Variants in FSHR observed in about 807,000 individuals in gnomAD.
FSHR encodes the protein follicle stimulating hormone receptor, also known as follicle-stimulating hormone receptor.
FSHR carries 46 observed loss-of-function variants against 52.1 expected under a neutral mutation model. The observed-to-expected ratio is 0.88, with a 90% CI of 0.70 to 1.13. The LOEUF (loss-of-function observed/expected upper bound fraction) is 1.13, where lower values mean the gene tolerates loss of function less well. Ranked by LOEUF, FSHR falls within the 50% of genes most tolerant of loss-of-function variation. The probability of loss-of-function intolerance (pLI) is 0.00; values close to 1 mark genes in which losing one functional copy is unlikely to be tolerated. For missense variants in FSHR, 964 were observed against 834.6 expected (o/e 1.16, Z -1.91); for synonymous variants, 399 against 309.6 (o/e 1.29, Z -3.03).
intron 2 of FSHR, among the ~76,000 whole-genome samples, chr2:49,026,984 C>T (rs532437599): frequency 1.3e-5 from 2 of 152,272 alleles, no homozygotes; most frequent in Non-Finnish European, 2.9e-5. Context: ...TTTGTGAACC[C>T]ATCACAGACA....
At position 49,074,877 on chromosome 2, in the gene FSHR, C is replaced by T. The variant is rs1042971544; in HGVS notation, c.153-6587G>A. Among the ~76,000 whole-genome samples, 20 of 152,078 alleles carry T rather than the reference C, an allele frequency of 1.3e-4. No homozygotes were observed. The East Asian group carries it at 3.9e-3, about 29-fold the overall frequency. The stretch of plus-strand genomic sequence containing the variant: ...CCTTAGCCAAAGAATAAAATCCTGT[C>T]ATTTGCAGCAACATGGGTGGAATTG... On this transcript the variant is annotated intron_variant, in intron 1 of 9. Coordinates refer to ENST00000406846, the MANE Select transcript of FSHR (RefSeq NM_000145.4).
At chr2:48,964,693 T>G (rs990447122) in intron 9 of FSHR, among the ~76,000 whole-genome samples, 3 of 152,150 alleles carry the variant, frequency 2.0e-5, no homozygotes, top group Non-Finnish European at 2.9e-5. Flanking sequence ...ACCTAATTTA[T>G]TCTAAGAATG....
At chr2:48,970,793 C>T (rs1390346956) in intron 8 of FSHR, among the ~76,000 whole-genome samples, 2 of 151,988 alleles carry the variant, frequency 1.3e-5, no homozygotes, top group African/African-American at 4.8e-5. Flanking sequence ...TTGTTTTTTC[C>T]ATCTCAGCAA....
intron 1 of FSHR, among the ~76,000 whole-genome samples, chr2:49,109,142 T>C (rs1264625653): frequency 6.6e-6 from 1 of 152,152 alleles, no homozygotes; most frequent in Non-Finnish European, 1.5e-5. Context: ...TATTTGGCTG[T>C]GCATAAAAGG....
intron 1 of FSHR, among the ~76,000 whole-genome samples, chr2:49,070,232 T>C (rs997551678): frequency 6.6e-6 from 1 of 152,160 alleles, no homozygotes; most frequent in Admixed American, 6.6e-5. Context: ...AACAGAAATA[T>C]TGTCAAGAGT....
chr2:48,971,431 A>G (rs1674736027), intron 8 of FSHR, among the ~76,000 whole-genome samples: 1 of 152,234 alleles, frequency 6.6e-6, no homozygotes, highest in Non-Finnish European at 1.5e-5. Context: ...CCTGGACATC[A>G]GTAAGATGAC....
At chr2:49,144,244 A>G (rs1366647261) in intron 1 of FSHR, among the ~76,000 whole-genome samples, 2 of 152,162 alleles carry the variant, frequency 1.3e-5, no homozygotes, top group African/African-American at 2.4e-5. Context: ...CAATTCCCCA[A>G]CAAACAGCCT....
chr2:48,987,296 C>T (rs373508868), intron 6 of FSHR, among the ~76,000 whole-genome samples: 39 of 152,106 alleles, frequency 2.6e-4, no homozygotes, highest in Middle Eastern at 3.4e-3. Context: ...CTCTGCCTCC[C>T]GGGTTCAAGC....
At chr2:49,027,452 T>C (rs1453005737) in intron 2 of FSHR, among the ~76,000 whole-genome samples, 1 of 152,152 alleles carries the variant, frequency 6.6e-6, no homozygotes, top group African/African-American at 2.4e-5. Flanking sequence ...AGCCTATGAG[T>C]CTATCCCTAC....
intron 4 of FSHR, among the ~76,000 whole-genome samples, chr2:48,998,391 C>A (rs1232485330): frequency 6.6e-6 from 1 of 152,020 alleles, no homozygotes; most frequent in Non-Finnish European, 1.5e-5. Flanking sequence ...TATGAAAACT[C>A]TCATAGTATA....
intron 1 of FSHR, among the ~76,000 whole-genome samples, chr2:49,149,186 A>T (rs1672973771): frequency 6.6e-6 from 1 of 151,996 alleles, no homozygotes; most frequent in African/African-American, 2.4e-5. Flanking sequence ...ACATTCAACA[A>T]ATGAGGAAGT....
At chr2:49,120,953 T>TG (rs1671797426) in intron 1 of FSHR, among the ~76,000 whole-genome samples, 2 of 152,364 alleles carry the variant, frequency 1.3e-5, no homozygotes, top group Admixed American at 1.3e-4. Flanking sequence ...ACTAGTGATT[T>TG]GGGGTTTTTC....
intron 2 of FSHR, among the ~76,000 whole-genome samples, chr2:49,036,051 G>T (rs184145557): frequency 6.6e-6 from 1 of 152,286 alleles, no homozygotes; most frequent in African/African-American, 2.4e-5. Context: ...TGGATAGGTA[G>T]ATATAGATAC....
intron 8 of FSHR, among the ~76,000 whole-genome samples, chr2:48,972,452 C>T (rs1440514372): frequency 6.6e-6 from 1 of 152,164 alleles, no homozygotes; most frequent in Non-Finnish European, 1.5e-5. Flanking sequence ...ATCTCTGCTG[C>T]TGTCTCTGCC....
intron 1 of FSHR, among the ~76,000 whole-genome samples, chr2:49,106,214 A>G (rs574885647): frequency 8.5e-5 from 13 of 152,200 alleles, no homozygotes; most frequent in Non-Finnish European, 1.8e-4. Context: ...CTTAACAACA[A>G]GATGACATTT....
At chr2:49,036,375 C>T (rs1265998427) in intron 2 of FSHR, among the ~76,000 whole-genome samples, 1 of 151,858 alleles carries the variant, frequency 6.6e-6, no homozygotes, top group Non-Finnish European at 1.5e-5. Flanking sequence ...TATTTACTCT[C>T]CACTTAAACA....
At chr2:49,027,753 G>A (rs932688287) in intron 2 of FSHR, among the ~76,000 whole-genome samples, 1 of 151,668 alleles carries the variant, frequency 6.6e-6, no homozygotes, top group African/African-American at 2.4e-5. Flanking sequence ...GAGAGGCTGA[G>A]GCATTAGAAT....
At chr2:49,018,536 C>T (rs1281964190) in intron 3 of FSHR, among the ~76,000 whole-genome samples, 1 of 152,208 alleles carries the variant, frequency 6.6e-6, no homozygotes, top group Non-Finnish European at 1.5e-5. Context: ...CAAACCACTA[C>T]CTTCACTGTC....
rs1667641758 is a variant in FSHR at position 49,020,283 on chromosome 2, A to G, written c.225-123T>C. On this transcript the variant is annotated intron_variant, in intron 2 of 9. Transcript: ENST00000406846. Reference sequence around the variant, plus strand: ...AGACACACAAAACTCCTTTCCTGCCATTAAAGAAGTCAGCTGTAGTAATAA... The same window carrying G: ...AGACACACAAAACTCCTTTCCTGCCGTTAAAGAAGTCAGCTGTAGTAATAA... The G allele has an allele frequency of 1.2e-5, 10 of 832,384 alleles. No individual in the cohort carries two copies. The Admixed American group carries it at 1.9e-4, about 15-fold the overall frequency. The allele number at this position is 832,384 out of a possible 1,614,324, so 51.6% of individuals were successfully genotyped here. A position where few individuals can be genotyped will look rare whatever the true frequency, so the allele number is the denominator to read the frequency against.
Sources: gnomAD v4.1 joint callset for allele counts (sites outside exome capture counted in the v4.1 genomes callset) on GRCh38, gnomAD v4.1.1 for gene constraint, MANE v1.5 for transcripts, NCBI Gene and HGNC (gene_info 2026-07-23, HGNC 2026-07-21) for gene names.